The following COL19A1 variants were observed in gnomAD, a reference collection of about 807,000 sequenced individuals.
COL19A1 encodes the protein collagen alpha-1(XIX) chain.
Under a neutral mutation model 190.2 loss-of-function variants are expected in COL19A1, and 159 were observed. The observed-to-expected ratio is 0.84, with a 90% CI of 0.73 to 0.95. The LOEUF (loss-of-function observed/expected upper bound fraction) is 0.95, where lower values mean the gene tolerates loss of function less well. Among genes scored for constraint, COL19A1 ranks in the 40% least tolerant of loss-of-function variants. The pLI, the probability that COL19A1 is intolerant of heterozygous loss-of-function variation, is 0.00. For synonymous variants in COL19A1, 509 were observed against 458.9 expected (o/e 1.11, Z -1.39); for missense variants, 1,418 against 1,431.9 (o/e 0.99, Z 0.16).
At chr6:70,074,816 G>A (rs1209368183) in intron 15 of COL19A1, among the ~76,000 whole-genome samples, 1 of 151,868 alleles carries the variant, frequency 6.6e-6, no homozygotes. Flanking sequence ...CCTTTAAAAT[G>A]CACGATGAGT....
At chr6:69,876,278 TAGG>T (rs2149938584) in intron 1 of COL19A1, among the ~76,000 whole-genome samples, 1 of 152,320 alleles carries the variant, frequency 6.6e-6, no homozygotes, top group African/African-American at 2.4e-5. Context: ...AGGAAGTAAT[TAGG>T]AGATGTCAAG....
intron 4 of COL19A1, among the ~76,000 whole-genome samples, chr6:69,920,607 T>C (rs771911088): frequency 1.3e-5 from 2 of 152,168 alleles, no homozygotes; most frequent in Admixed American, 6.5e-5. Flanking sequence ...GTATGATGTT[T>C]AGTTAGCCAT....
intron 48 of COL19A1, among the ~76,000 whole-genome samples, chr6:70,195,561 G>A (rs1767145887): frequency 6.6e-6 from 1 of 152,170 alleles, no homozygotes; most frequent in African/African-American, 2.4e-5. Context: ...TCCATGCAGA[G>A]GCAGACTACT....
intron 4 of COL19A1, among the ~76,000 whole-genome samples, chr6:69,923,450 A>C (rs377174223): frequency 6.6e-6 from 1 of 152,296 alleles, no homozygotes; most frequent in South Asian, 2.1e-4. Flanking sequence ...TAGTTCCCTA[A>C]AAACCCCAAT....
intron 11 of COL19A1, among the ~76,000 whole-genome samples, chr6:70,021,041 T>A (rs1185579636): frequency 6.6e-6 from 1 of 152,286 alleles, no homozygotes; most frequent in East Asian, 1.9e-4. Flanking sequence ...AATTGTTGGA[T>A]ATCCCTGGTT....
chr6:70,054,328 T>C (rs868551594), intron 14 of COL19A1, among the ~76,000 whole-genome samples: 151 of 152,268 alleles, frequency 9.9e-4, no homozygotes, highest in African/African-American at 3.5e-3. Context: ...CCAGACTGGG[T>C]GACAAGAGCG....
At chr6:70,032,512 A>G (rs1779128984) in intron 12 of COL19A1, among the ~76,000 whole-genome samples, 1 of 152,202 alleles carries the variant, frequency 6.6e-6, no homozygotes, top group African/African-American at 2.4e-5. Flanking sequence ...TAGTAACCAA[A>G]TTAAGCAAAA....
chr6:70,131,285 T>TA (rs1785505560), intron 18 of COL19A1: 3 of 214,400 alleles, frequency 1.4e-5, no homozygotes, highest in Non-Finnish European at 2.9e-5. Flanking sequence ...ATTCTCTAGA[T>TA]TGAGGGCAGG....
intron 9 of COL19A1, among the ~76,000 whole-genome samples, chr6:69,957,967 A>G (rs1298153422): frequency 6.6e-6 from 1 of 152,194 alleles, no homozygotes; most frequent in Non-Finnish European, 1.5e-5. Context: ...TATAAAACAC[A>G]TTCAGTCAAG....
At chr6:70,158,694 A>C (rs1444368501) in intron 34 of COL19A1, among the ~76,000 whole-genome samples, 2 of 152,082 alleles carry the variant, frequency 1.3e-5, no homozygotes, top group Non-Finnish European at 2.9e-5. Flanking sequence ...AGACATGAAA[A>C]ATATCATCAG....
intron 11 of COL19A1, among the ~76,000 whole-genome samples, chr6:70,021,607 G>A (rs1227857327): frequency 6.6e-6 from 1 of 151,996 alleles, no homozygotes; most frequent in African/African-American, 2.4e-5. Context: ...CTGTGTATTT[G>A]TGAGCCTTTT....
chr6:69,898,311 C>CATA (rs1474648697), intron 2 of COL19A1, among the ~76,000 whole-genome samples: 1 of 152,170 alleles, frequency 6.6e-6, no homozygotes, highest in Admixed American at 6.5e-5. Context: ...TTGGTGTGTG[C>CATA]ATATCCATTA....
chr6:70,156,751 T>A, intron 34 of COL19A1, 28 bp downstream of exon 34: 1 of 1,566,314 alleles, frequency 6.4e-7, no homozygotes, highest in Non-Finnish European at 8.8e-7. Context: ...GATTATATAG[T>A]CCTAATATTG....
At chr6:69,953,694 GC>G (rs1774254231) in intron 9 of COL19A1, among the ~76,000 whole-genome samples, 1 of 151,964 alleles carries the variant, frequency 6.6e-6, no homozygotes, top group East Asian at 1.9e-4. Flanking sequence ...TGGATGACAA[GC>G]TCACCACATG....
At position 69,921,192 on chromosome 6, in the gene COL19A1, A is replaced by G. The variant is rs1771740380; in HGVS notation, c.267-6717A>G. Reference sequence around the variant, plus strand: ...ATATACGTATCACATATATTCATATATATATCACATATATTCATATATAAT... The same window carrying G: ...ATATACGTATCACATATATTCATATGTATATCACATATATTCATATATAAT... On this transcript the variant is annotated intron_variant, in intron 4 of 50. Coordinates refer to ENST00000620364, the MANE Select transcript of COL19A1 (RefSeq NM_001858.6). Among the ~76,000 whole-genome samples, 3 of 131,190 alleles carry G rather than the reference A, an allele frequency of 2.3e-5. No homozygotes were observed. In the Admixed American group the frequency reaches 2.7e-4, roughly 12 times the overall value. The allele number at this position is 131,190 out of a possible 152,430, so 86.1% of individuals were successfully genotyped here.
chr6:69,905,098 G>A (rs887954729), intron 4 of COL19A1, among the ~76,000 whole-genome samples: 1 of 152,110 alleles, frequency 6.6e-6, no homozygotes, highest in Non-Finnish European at 1.5e-5. Flanking sequence ...TGCAGCCACA[G>A]AGCCAACCCG....
chr6:69,947,591 T>A (rs1773894874), intron 9 of COL19A1, among the ~76,000 whole-genome samples: 1 of 151,854 alleles, frequency 6.6e-6, no homozygotes, highest in Non-Finnish European at 1.5e-5. Flanking sequence ...TAGTATAAGT[T>A]TTTGTGGCAT....
chr6:69,947,298 A>G (rs73482130), intron 9 of COL19A1, among the ~76,000 whole-genome samples: 4 of 151,892 alleles, frequency 2.6e-5, no homozygotes, highest in African/African-American at 7.2e-5. Context: ...ACTGTAGGCT[A>G]TAGCTCATAA....
At chr6:69,989,463 T>C (rs1403524180) in intron 11 of COL19A1, among the ~76,000 whole-genome samples, 2 of 152,090 alleles carry the variant, frequency 1.3e-5, no homozygotes, top group African/African-American at 4.8e-5. Flanking sequence ...TTTCTTTTGA[T>C]GTAGATCAAG....
Sources: allele counts gnomAD v4.1 joint callset (sites outside exome capture counted in the v4.1 genomes callset), GRCh38; gene constraint gnomAD v4.1.1; transcripts MANE v1.5; gene names NCBI Gene and HGNC (gene_info 2026-07-23, HGNC 2026-07-21).